The following CACHD1 variants were observed in gnomAD, a reference collection of about 807,000 sequenced individuals.
CACHD1 encodes the protein VWFA and cache domain-containing protein 1.
Under a neutral mutation model 138.7 loss-of-function variants are expected in CACHD1, and 71 were observed. The ratio of observed to expected loss-of-function variants is 0.51; its 90% CI spans 0.42 to 0.62. The LOEUF is 0.62. Ranked by LOEUF, CACHD1 falls within the 20% of genes least tolerant of loss-of-function variation. The pLI, the probability that CACHD1 is intolerant of heterozygous loss-of-function variation, is 0.00. For synonymous variants in CACHD1, 578 were observed against 591.5 expected (o/e 0.98, Z 0.33); for missense variants, 1,389 against 1,625.3 (o/e 0.85, Z 2.50).
intron 2 of CACHD1, among the ~76,000 whole-genome samples, chr1:64,553,588 A>C (rs557596094): frequency 3.3e-4 from 50 of 152,326 alleles, no homozygotes; most frequent in African/African-American, 1.1e-3. Flanking sequence ...AAATATATGG[A>C]GACGTGTAAA....
At chr1:64,567,136 A>G (rs539175692) in intron 2 of CACHD1, among the ~76,000 whole-genome samples, 2 of 152,258 alleles carry the variant, frequency 1.3e-5, no homozygotes, top group Non-Finnish European at 2.9e-5. Flanking sequence ...TACCTCTAGT[A>G]AGTGGTAGGC....
chr1:64,684,743 A>G (rs1650308392), intron 26 of CACHD1, among the ~76,000 whole-genome samples: 2 of 152,136 alleles, frequency 1.3e-5, no homozygotes, highest in African/African-American at 4.8e-5. Context: ...ACACAGAACA[A>G]CTACCAATCC....
intron 2 of CACHD1, among the ~76,000 whole-genome samples, chr1:64,557,769 T>G (rs149912415): frequency 1.2e-3 from 176 of 151,704 alleles, no homozygotes; most frequent in African/African-American, 4.0e-3. Context: ...ATTTTCTTTT[T>G]CTTTTTCTCT....
At chr1:64,536,627 G>A (rs1346534342) in intron 1 of CACHD1, among the ~76,000 whole-genome samples, 2 of 152,138 alleles carry the variant, frequency 1.3e-5, no homozygotes, top group East Asian at 3.9e-4. Flanking sequence ...CCTCTGGTTG[G>A]TCACTTATCA....
At chr1:64,555,938 G>C (rs1646793813) in intron 2 of CACHD1, among the ~76,000 whole-genome samples, 1 of 152,070 alleles carries the variant, frequency 6.6e-6, no homozygotes. Flanking sequence ...ATTTGATTTG[G>C]TTCCATTAGT....
In CACHD1 at chr1:64,692,417, TTA is replaced by T. The variant is rs1459851818; in HGVS notation, c.*858_*859del. On this transcript the variant is annotated 3_prime_UTR_variant, in exon 27 of 27. Coordinates refer to ENST00000651257, the MANE Select transcript of CACHD1 (RefSeq NM_020925.4). ...AATTTAAGAGGTTTTAAAAGAAATG[TTA>T]TGTTTCTTATGACTTGTTTCCACTC... 3 of 152,182 alleles carry T rather than the reference TTA, an allele frequency of 2.0e-5. No individual in the cohort carries two copies. The highest frequency in any genetic ancestry group is 7.2e-5 in the African/African-American group (3 of 41,428). 9.4% of individuals were successfully genotyped at this position (152,182 alleles called of 1,614,324 possible).
At chr1:64,545,740 C>G (rs1158669927) in intron 1 of CACHD1, among the ~76,000 whole-genome samples, 1 of 152,152 alleles carries the variant, frequency 6.6e-6, no homozygotes, top group Non-Finnish European at 1.5e-5. Context: ...ATTGGAATTG[C>G]TGAGTCATAA....
intron 1 of CACHD1, among the ~76,000 whole-genome samples, chr1:64,542,154 G>A (rs538627967): frequency 2.0e-5 from 3 of 152,284 alleles, no homozygotes; most frequent in African/African-American, 4.8e-5. Context: ...GTTATGTAAA[G>A]CACTTAGTGC....
intron 1 of CACHD1, among the ~76,000 whole-genome samples, chr1:64,547,555 C>A (rs376221119): frequency 6.6e-6 from 1 of 152,038 alleles, no homozygotes; most frequent in South Asian, 2.1e-4. Context: ...TTAATAGAAA[C>A]GGGGTTTCAC....
Position 64,678,259 on chromosome 1 carries a change from G to A in CACHD1, c.3193G>A (p.Gly1065Arg), listed in dbSNP as rs537732470. 25 of 1,605,552 alleles carry A rather than the reference G, an allele frequency of 1.6e-5. No individual in the cohort carries two copies. The highest frequency in any genetic ancestry group is 8.7e-5 in the Admixed American group (5 of 57,736). ...CTGTGCCCCCCAGAAAGAATGCTTC[G>A]GGGGGATTGTGGGAGCCAAAAGTCC... ...PYCAPQKECFGGIVGAKSPYV... is the reference protein window; with the variant it reads ...PYCAPQKECFRGIVGAKSPYV... The change falls in exon 23 of 27, where the codon GGG becomes AGG. Residue 1065 changes from glycine to arginine, a missense_variant. Gly to Arg is a moderately radical substitution (Grantham distance 125). This residue lies in a region of CACHD1 where 250 missense variants were observed against 292.9 expected (regional missense o/e 0.85). Transcript: ENST00000651257.
In CACHD1 at chr1:64,675,824, G is replaced by T. The variant is rs1408168600; in HGVS notation, c.2889-73G>T. 3 of 973,544 alleles carry T rather than the reference G, an allele frequency of 3.1e-6. No individual in the cohort carries two copies. The African/African-American group carries it at 4.9e-5, about 16-fold the overall frequency. The allele number at this position is 973,544 out of a possible 1,614,324, so 60.3% of individuals were successfully genotyped here. On this transcript the variant is annotated intron_variant, in intron 20 of 26. Coordinates refer to ENST00000651257, the MANE Select transcript of CACHD1 (RefSeq NM_020925.4). ...AACTAGCTCAGAGCTTCATTATTTT[G>T]CTTCCCCAGCACATGTACAACTTAC...
At chr1:64,513,500 G>A (rs1032004230) in intron 1 of CACHD1, among the ~76,000 whole-genome samples, 2 of 152,190 alleles carry the variant, frequency 1.3e-5, no homozygotes, top group African/African-American at 2.4e-5. Flanking sequence ...ATGTATAAGG[G>A]CATCCTTGCT....
chr1:64,641,710 G>A (rs905239915), intron 7 of CACHD1, 110 bp from the exon 8 acceptor site: 42 of 734,176 alleles, frequency 5.7e-5, no homozygotes, highest in Non-Finnish European at 9.0e-5. Context: ...AGGAACCGTG[G>A]GCTAGGCAAG....
intron 1 of CACHD1, among the ~76,000 whole-genome samples, chr1:64,529,529 T>G (rs2100397154): frequency 6.6e-6 from 1 of 152,364 alleles, no homozygotes; most frequent in East Asian, 1.9e-4. Flanking sequence ...GTTCTCTTTT[T>G]TGGTTTATTA....
intron 4 of CACHD1, among the ~76,000 whole-genome samples, chr1:64,618,184 T>G (rs2100609753): frequency 6.6e-6 from 1 of 152,162 alleles, no homozygotes; most frequent in South Asian, 2.1e-4. Context: ...ATAATAAAAC[T>G]TACCTCAAAA....
At chr1:64,535,172 T>A (rs1435927792) in intron 1 of CACHD1, among the ~76,000 whole-genome samples, 1 of 152,196 alleles carries the variant, frequency 6.6e-6, no homozygotes, top group Non-Finnish European at 1.5e-5. Context: ...ATCTAAAGAT[T>A]GGGAATATGT....
chr1:64,557,788 AATT>A (rs139615946), intron 2 of CACHD1, among the ~76,000 whole-genome samples: 2 of 150,222 alleles, frequency 1.3e-5, no homozygotes, highest in South Asian at 2.1e-4. Context: ...CTTTTTAAAA[AATT>A]ATTATTATTA....
intron 2 of CACHD1, among the ~76,000 whole-genome samples, chr1:64,580,265 G>A (rs541536726): frequency 7.9e-5 from 12 of 152,260 alleles, no homozygotes; most frequent in Admixed American, 2.0e-4. Flanking sequence ...TTTTGGATGG[G>A]TGGAGAATTC....
intron 2 of CACHD1, among the ~76,000 whole-genome samples, chr1:64,573,714 A>G (rs1468888812): frequency 6.6e-6 from 1 of 152,210 alleles, no homozygotes; most frequent in Non-Finnish European, 1.5e-5. Flanking sequence ...ACAAATAAAA[A>G]TGCACAGTGC....
Sources: allele counts gnomAD v4.1 joint callset (sites outside exome capture counted in the v4.1 genomes callset), GRCh38; gene constraint gnomAD v4.1.1; regional missense constraint gnomAD v4.1.1; transcripts MANE v1.5; gene names NCBI Gene and HGNC (gene_info 2026-07-23, HGNC 2026-07-21).